Variants in OCA2 observed in about 807,000 individuals in gnomAD.
The protein encoded by OCA2 is OCA2 melanosomal transmembrane protein.
In OCA2, 77 loss-of-function variants were observed where a neutral mutation model predicts 100.2. That is an observed-to-expected ratio of 0.77 (90% CI 0.64 to 0.93). OCA2 has a LOEUF of 0.93. OCA2 is among the 40% of genes least tolerant of loss of function. The probability of loss-of-function intolerance (pLI) is 0.00; values close to 1 mark genes in which losing one functional copy is unlikely to be tolerated. For synonymous variants in OCA2, 432 were observed against 439.2 expected, an observed-to-expected ratio of 0.98 and a Z score of 0.21; for missense variants, 1,062 against 1,089.1, an observed-to-expected ratio of 0.98 and a Z score of 0.35.
intron 19 of OCA2, among the ~76,000 whole-genome samples, chr15:27,875,094 G>A (rs957405664): frequency 4.6e-5 from 7 of 152,066 alleles, no homozygotes; most frequent in Non-Finnish European, 7.4e-5. Flanking sequence ...AGTAGAAAGT[G>A]GGAAAGAGAG....
intron 14 of OCA2, among the ~76,000 whole-genome samples, chr15:27,972,066 G>T (rs1013487141): frequency 3.9e-5 from 6 of 152,148 alleles, no homozygotes; most frequent in Non-Finnish European, 7.3e-5. Context: ...GTGAGAACAT[G>T]CGGTATTTGC....
chr15:27,735,203 A>G, the OCA2 span, among the ~76,000 whole-genome samples: 1 of 152,182 alleles, frequency 6.6e-6, no homozygotes, highest in Admixed American at 6.5e-5. Flanking sequence ...TGGAGGTGAA[A>G]AATACAATGA....
intron 16 of OCA2, among the ~76,000 whole-genome samples, chr15:27,956,546 G>A (rs2040228572): frequency 6.6e-6 from 1 of 152,200 alleles, no homozygotes; most frequent in Non-Finnish European, 1.5e-5. Flanking sequence ...AACCTGAGAT[G>A]CACTGAGTGT....
At chr15:27,922,714 T>A (rs2038907376) in intron 19 of OCA2, among the ~76,000 whole-genome samples, 1 of 151,538 alleles carries the variant, frequency 6.6e-6, no homozygotes, top group South Asian at 2.1e-4. Context: ...TGTGTGTGTG[T>A]GTGTGTGTTT....
chr15:27,784,344 C>A (rs8036798), intron 23 of OCA2, among the ~76,000 whole-genome samples: 42,074 of 152,052 alleles, frequency 0.28, 6,888 homozygotes, highest in Non-Finnish European at 0.37. Context: ...GAACCAAGTC[C>A]TCCTGGCTAG....
At chr15:27,831,348 A>G (rs1451102593) in intron 23 of OCA2, among the ~76,000 whole-genome samples, 1 of 148,900 alleles carries the variant, frequency 6.7e-6, no homozygotes, top group Admixed American at 6.9e-5. Flanking sequence ...CCTGGAATAA[A>G]GCTCAGTAAT....
chr15:27,931,293 T>C (rs1435274030), intron 18 of OCA2, among the ~76,000 whole-genome samples: 1 of 152,198 alleles, frequency 6.6e-6, no homozygotes, highest in Non-Finnish European at 1.5e-5. Context: ...TCTTGACAAT[T>C]CTATACCTTG....
At chr15:27,770,426 T>C (rs2031634266) in intron 23 of OCA2, among the ~76,000 whole-genome samples, 1 of 152,192 alleles carries the variant, frequency 6.6e-6, no homozygotes, top group Non-Finnish European at 1.5e-5. Flanking sequence ...AGAGGCTCAT[T>C]GCCGCCTGTC....
intron 18 of OCA2, among the ~76,000 whole-genome samples, chr15:27,945,930 C>T (rs1330267277): frequency 4.6e-5 from 7 of 152,166 alleles, no homozygotes; most frequent in Non-Finnish European, 1.0e-4. Flanking sequence ...CAGTTATCCA[C>T]AATCTTGAAA....
rs567941121 is a variant in OCA2 at position 27,843,120 on chromosome 15, T to G, written c.2432+1839A>C. 2.6e-5 allele frequency among the ~76,000 whole-genome samples: 4 copies of G among 152,306 alleles called. No individual in the cohort carries two copies. In the East Asian group the frequency reaches 7.7e-4, roughly 29 times the overall value. ...GACCAACTGGTGTTGCAAAAAGCCA[T>G]GCTTTTTGCTCTCTGAAATCCAGCC... On this transcript the variant is annotated intron_variant, in intron 23 of 23. Transcript: ENST00000354638.
At chr15:27,866,785 A>T (rs1239438930) in intron 21 of OCA2, among the ~76,000 whole-genome samples, 1 of 152,208 alleles carries the variant, frequency 6.6e-6, no homozygotes, top group Non-Finnish European at 1.5e-5. Context: ...CTCCTCGGAG[A>T]TCTGTTTTGT....
chr15:27,941,554 T>C (rs997703458), intron 18 of OCA2, among the ~76,000 whole-genome samples: 20 of 147,236 alleles, frequency 1.4e-4, no homozygotes, highest in African/African-American at 3.6e-4. Flanking sequence ...GGCTGCATTA[T>C]TGAAAACATT....
intron 23 of OCA2, among the ~76,000 whole-genome samples, chr15:27,778,130 C>G (rs910107257): frequency 6.6e-6 from 1 of 152,180 alleles, no homozygotes; most frequent in Non-Finnish European, 1.5e-5. Flanking sequence ...TTTTAAAACT[C>G]AGGCAGACCA....
rs1567098505 is a variant in OCA2, at chr15:27,913,895, G to GAAAGAAAGAA, written c.2079+12231_2079+12232insTTCTTTCTTT. 2.6e-3 allele frequency among the ~76,000 whole-genome samples: 102 copies of GAAAGAAAGAA among 39,024 alleles called. 8 individuals are homozygous for GAAAGAAAGAA. The highest frequency in any genetic ancestry group is 0.016 in the Middle Eastern group (1 of 62). 25.6% of individuals were successfully genotyped at this position (39,024 alleles called of 152,430 possible). On this transcript the variant is annotated intron_variant, in intron 19 of 23. Coordinates refer to ENST00000354638, the MANE Select transcript of OCA2 (RefSeq NM_000275.3). ...AGAAAGAAAGAAAGAAAGAAAGAAA[G>GAAAGAAAGAA]CAAGCAAGCAAGCAAGCAAGCAAGC...
intron 23 of OCA2, among the ~76,000 whole-genome samples, chr15:27,841,646 T>C (rs779243385): frequency 6.6e-6 from 1 of 152,208 alleles, no homozygotes; most frequent in Admixed American, 6.5e-5. Context: ...AGCTTAAAAA[T>C]AGTCACAACA....
At chr15:27,719,851 G>A in the OCA2 span, among the ~76,000 whole-genome samples, 1 of 152,064 alleles carries the variant, frequency 6.6e-6, no homozygotes, top group Admixed American at 6.5e-5. Context: ...GATGTGGCAG[G>A]AGGCATCACA....
the OCA2 span, among the ~76,000 whole-genome samples, chr15:27,723,895 C>T: frequency 1.3e-5 from 2 of 152,194 alleles, no homozygotes; most frequent in African/African-American, 4.8e-5. Flanking sequence ...CAGCCTCACA[C>T]AGCTCCCTTC....
At chr15:27,722,746 CTTCTTCT>C in the OCA2 span, among the ~76,000 whole-genome samples, 2 of 130,814 alleles carry the variant, frequency 1.5e-5, no homozygotes, top group African/African-American at 5.7e-5. Flanking sequence ...TTTCTTCTTT[CTTCTTCT>C]TTCCTTCCTT....
intron 19 of OCA2, among the ~76,000 whole-genome samples, chr15:27,901,773 A>G (rs899859624): frequency 6.6e-6 from 1 of 152,242 alleles, no homozygotes; most frequent in Admixed American, 6.5e-5. Context: ...ATACAGAAAT[A>G]CATGCACATG....
Sources: allele counts gnomAD v4.1 joint callset (sites outside exome capture counted in the v4.1 genomes callset), GRCh38; gene constraint gnomAD v4.1.1; transcripts MANE v1.5; gene names NCBI Gene and HGNC (gene_info 2026-07-23, HGNC 2026-07-21).